The following TCF7L1 variants were observed in gnomAD, a reference collection of about 807,000 sequenced individuals.
The protein encoded by TCF7L1 is transcription factor 7-like 1.
A neutral mutation model predicts 63.7 loss-of-function variants in TCF7L1; 18 were observed. The observed-to-expected ratio is 0.28, with a 90% CI of 0.20 to 0.42. The LOEUF (loss-of-function observed/expected upper bound fraction) is 0.42. Among genes scored for constraint, TCF7L1 ranks in the 10% least tolerant of loss-of-function variants. The pLI is 1.00. For synonymous variants in TCF7L1, 355 were observed against 340.9 expected, an observed-to-expected ratio of 1.04 and a Z score of -0.46; for missense variants, 654 against 779.3, an observed-to-expected ratio of 0.84 and a Z score of 1.91.
rs559359714 is a variant in TCF7L1 at position 85,237,179 on chromosome 2, T to A, written c.442-46316T>A. Among the ~76,000 whole-genome samples, 84 of 152,292 alleles carry A rather than the reference T, an allele frequency of 5.5e-4. 1 individual carries two copies. In the South Asian group the frequency reaches 0.016, roughly 29 times the overall value. On this transcript the variant is annotated intron_variant, in intron 3 of 11. Coordinates refer to ENST00000282111, the MANE Select transcript of TCF7L1 (RefSeq NM_031283.3). ...AATACCTTCAAGCCTTTTGTTATAG[T>A]TCTAAGGTATTTGTTAGAACTCCTG... is the stretch of plus-strand genomic sequence containing the variant.
chr2:85,246,057 AATGC>A (rs71711494), intron 3 of TCF7L1, among the ~76,000 whole-genome samples: 4,823 of 152,208 alleles, frequency 0.032, 269 homozygotes, highest in African/African-American at 0.11. Flanking sequence ...GTGCTGACTC[AATGC>A]AATGGTGTTA....
chr2:85,275,772 T>A (rs1368932326), intron 3 of TCF7L1, among the ~76,000 whole-genome samples: 1 of 151,826 alleles, frequency 6.6e-6, no homozygotes, highest in Non-Finnish European at 1.5e-5. Flanking sequence ...TACAATAAAT[T>A]AGCCAGGCAT....
At position 85,248,001 on chromosome 2, in the gene TCF7L1, G is replaced by A. The variant is rs935324696; in HGVS notation, c.442-35494G>A. Among the ~76,000 whole-genome samples the A allele has an allele frequency of 2.0e-5, 3 of 152,162 alleles. No homozygotes were observed. In the East Asian group the frequency reaches 5.8e-4, roughly 29 times the overall value. ...GATGTGAAAAGACTCCTTGTGGCCGGTAGTGTTCGGTTCTGTTAGCTCCAA... is the reference window on the plus strand; with the variant it reads ...GATGTGAAAAGACTCCTTGTGGCCGATAGTGTTCGGTTCTGTTAGCTCCAA... On this transcript the variant is annotated intron_variant, in intron 3 of 11. Transcript: ENST00000282111.
intron 3 of TCF7L1, among the ~76,000 whole-genome samples, chr2:85,213,449 C>T (rs1214101592): frequency 2.0e-5 from 3 of 152,032 alleles, no homozygotes; most frequent in Admixed American, 6.6e-5. Flanking sequence ...TCCTATGCCC[C>T]AGTGTTTTAT....
intron 3 of TCF7L1, among the ~76,000 whole-genome samples, chr2:85,259,015 C>A (rs1310693005): frequency 6.6e-6 from 1 of 152,182 alleles, no homozygotes; most frequent in African/African-American, 2.4e-5. Flanking sequence ...CTGTAATACC[C>A]CCACACTCGG....
chr2:85,302,666 T>G (rs1682011947), intron 5 of TCF7L1, 50 bp downstream of exon 5: 1 of 1,581,604 alleles, frequency 6.3e-7, no homozygotes, highest in Non-Finnish European at 8.6e-7. Flanking sequence ...GGCGGGCTTC[T>G]CTTTTGTGGG....
At chr2:85,195,667 C>G (rs770565992) in intron 3 of TCF7L1, among the ~76,000 whole-genome samples, 1 of 152,046 alleles carries the variant, frequency 6.6e-6, no homozygotes, top group Non-Finnish European at 1.5e-5. Flanking sequence ...TCACTGCAGC[C>G]TCCCGAGTAG....
intron 3 of TCF7L1, chr2:85,262,089 G>T (rs538945140): frequency 1.9e-5 from 10 of 540,272 alleles, no homozygotes; most frequent in South Asian, 4.1e-5. Context: ...AGCATGATCC[G>T]ACCCAGTTGT....
chr2:85,247,771 T>C (rs1283599834), intron 3 of TCF7L1, among the ~76,000 whole-genome samples: 1 of 152,218 alleles, frequency 6.6e-6, no homozygotes, highest in Non-Finnish European at 1.5e-5. Flanking sequence ...ACATCTTCAG[T>C]GGCTTCCTCT....
chr2:85,271,605 C>T (rs1681154437), intron 3 of TCF7L1, among the ~76,000 whole-genome samples: 2 of 152,204 alleles, frequency 1.3e-5, no homozygotes, highest in Non-Finnish European at 2.9e-5. Context: ...TAATTCTTGC[C>T]CATTGCCATC....
intron 3 of TCF7L1, among the ~76,000 whole-genome samples, chr2:85,231,848 A>G (rs188817487): frequency 8.6e-5 from 13 of 151,740 alleles, no homozygotes; most frequent in Admixed American, 8.5e-4. Flanking sequence ...TTGAGGGTGC[A>G]GACCCTTTGG....
rs921651728 is a variant in TCF7L1, at chr2:85,145,056, C to T, written c.441+10606C>T. 2.8e-5 allele frequency among the ~76,000 whole-genome samples: 4 copies of T among 144,378 alleles called. 1 individual carries two copies. The Admixed American group carries it at 2.8e-4, about 10-fold the overall frequency. 94.7% of individuals were successfully genotyped at this position (144,378 alleles called of 152,430 possible). On this transcript the variant is annotated intron_variant, in intron 3 of 11. Coordinates refer to ENST00000282111, the MANE Select transcript of TCF7L1 (RefSeq NM_031283.3). ...GCCAAGACTGGGCAAAAAAGCGAGA[C>T]TTTGTTTCAAAAAAAAAAAAAAAAG...
chr2:85,216,990 C>T (rs1460927062), intron 3 of TCF7L1: 1 of 152,136 alleles, frequency 6.6e-6, no homozygotes, highest in East Asian at 1.9e-4. Flanking sequence ...GAAGAGTTGC[C>T]TTCTTAATGA....
intron 3 of TCF7L1, among the ~76,000 whole-genome samples, chr2:85,212,080 A>C: frequency 8.7e-6 from 1 of 114,558 alleles, no homozygotes; most frequent in African/African-American, 3.4e-5. Flanking sequence ...ACAGAGCAAG[A>C]CTCCATCTCA....
At chr2:85,186,314 A>C (rs1041534339) in intron 3 of TCF7L1, 2 of 152,138 alleles carry the variant, frequency 1.3e-5, no homozygotes, top group Non-Finnish European at 2.9e-5. Flanking sequence ...TGGAAAAGCT[A>C]AAGGTTCTCT....
At chr2:85,224,883 G>A (rs1679923480) in intron 3 of TCF7L1, among the ~76,000 whole-genome samples, 1 of 152,042 alleles carries the variant, frequency 6.6e-6, no homozygotes, top group African/African-American at 2.4e-5. Flanking sequence ...GTATTGCCTA[G>A]GTTTTCTTCT....
intron 3 of TCF7L1, among the ~76,000 whole-genome samples, chr2:85,274,793 A>G (rs1681234262): frequency 6.6e-6 from 1 of 152,166 alleles, no homozygotes; most frequent in Non-Finnish European, 1.5e-5. Flanking sequence ...CTGTCTCCCC[A>G]GGTAAAGCGC....
At chr2:85,241,431 GTTTTTGTTTTTTTTTTTTTTTT>G (rs1308699602) in intron 3 of TCF7L1, among the ~76,000 whole-genome samples, 2 of 68,780 alleles carry the variant, frequency 2.9e-5, no homozygotes, top group Admixed American at 1.5e-4. Flanking sequence ...GATGCACTTT[GTTTTTGTTTTTTTTTTTTTTTT>G]TTTTTTTTTT....
At chr2:85,220,795 T>A (rs896682172) in intron 3 of TCF7L1, among the ~76,000 whole-genome samples, 1 of 152,198 alleles carries the variant, frequency 6.6e-6, no homozygotes, top group Admixed American at 6.5e-5. Flanking sequence ...ATTTTGGTGC[T>A]TAAAAGAGAG....
Sources: allele counts gnomAD v4.1 joint callset (sites outside exome capture counted in the v4.1 genomes callset), GRCh38; gene constraint gnomAD v4.1.1; transcripts MANE v1.5; gene names NCBI Gene and HGNC (gene_info 2026-07-23, HGNC 2026-07-21).